KLHL10: variants seen among roughly 807,000 people sequenced by gnomAD.
The protein encoded by KLHL10 is kelch-like protein 10.
Under a neutral mutation model 46.6 loss-of-function variants are expected in KLHL10, and 11 were observed. The ratio of observed to expected loss-of-function variants is 0.24; its 90% CI spans 0.15 to 0.39. KLHL10 has a LOEUF of 0.39. KLHL10 is among the 10% of genes least tolerant of loss of function. The pLI is 1.00. For missense variants in KLHL10, 475 were observed against 789.8 expected, an observed-to-expected ratio of 0.60 and a Z score of 4.78; for synonymous variants, 254 against 279.1, an observed-to-expected ratio of 0.91 and a Z score of 0.90.
Position 41,845,365 on chromosome 17 carries a change from T to C in KLHL10, c.924T>C (p.Ile308=). Residue 308 remains isoleucine, a synonymous_variant, in exon 3 of 5, where the codon ATT becomes ATC. Coordinates refer to ENST00000293303, the MANE Select transcript of KLHL10 (RefSeq NM_152467.5). The part of the protein sequence containing the change: ...GWSGGSPTNA[I]EAYDARADRW... Reference sequence around the variant, plus strand: ...GTGGTGGGAGCCCCACCAATGCCATTGAGGCATATGACGCTCGGGCAGACA... The same window carrying C: ...GTGGTGGGAGCCCCACCAATGCCATCGAGGCATATGACGCTCGGGCAGACA... 6.2e-7 allele frequency: 1 copy of C among 1,614,178 alleles called. No homozygotes were observed. Among genetic ancestry groups the C allele is most frequent in the Non-Finnish European group, 8.5e-7 (1 of 1,180,004 alleles).
intron 4 of KLHL10, 35 bp downstream of exon 4, chr17:41,847,445 C>T (rs781803411): frequency 3.5e-5 from 57 of 1,611,774 alleles, no homozygotes; most frequent in Non-Finnish European, 4.7e-5. Flanking sequence ...ACACAAAAAA[C>T]ACATTACCCC....
At chr17:41,836,223 G>A (rs1158013480), upstream of KLHL10, 1 of 1,238,534 alleles carries the variant, frequency 8.1e-7, no homozygotes, top group Non-Finnish European at 1.0e-6. Flanking sequence ...GCGGCTCGCG[G>A]GACAACGACA....
upstream of KLHL10, chr17:41,836,391 G>A: frequency 8.2e-7 from 1 of 1,224,508 alleles, no homozygotes; most frequent in East Asian, 3.2e-5. Context: ...CAAACTGGAG[G>A]AGGGTTCTAT....
At position 41,847,320 on chromosome 17, in the gene KLHL10, C is replaced by T. The variant is rs1422887291; in HGVS notation, c.1362C>T (p.Asn454=). The T allele has an allele frequency of 1.2e-6, 2 of 1,613,810 alleles. No homozygotes were observed. The highest frequency in any genetic ancestry group is 1.7e-6 in the Non-Finnish European group (2 of 1,179,930). ...GCCTGTTCACAGCAGAAGTGTATAACACTGAAAGTAATCAGTGGACAGTCA... is the reference window on the plus strand; with the variant it reads ...GCCTGTTCACAGCAGAAGTGTATAATACTGAAAGTAATCAGTGGACAGTCA... ...NECLFTAEVY[N]TESNQWTVIA... Residue 454 remains asparagine (N), a synonymous_variant, in exon 4 of 5, where the codon AAC becomes AAT. Coordinates refer to ENST00000293303, the MANE Select transcript of KLHL10 (RefSeq NM_152467.5).
chr17:41,844,825 G>GGCC (rs1396371088), intron 2 of KLHL10, among the ~76,000 whole-genome samples: 1 of 151,936 alleles, frequency 6.6e-6, no homozygotes, highest in Non-Finnish European at 1.5e-5. Flanking sequence ...CTGGGATTAC[G>GGCC]GCCGTGAGCC....
At chr17:41,836,118 C>T, upstream of KLHL10, 1 of 1,329,400 alleles carries the variant, frequency 7.5e-7, no homozygotes, top group Non-Finnish European at 9.6e-7. Context: ...AGCTGGGGGG[C>T]TCGAAGCGCC....
upstream of KLHL10, chr17:41,836,228 A>G (rs2048156872): frequency 9.0e-7 from 1 of 1,113,720 alleles, no homozygotes; most frequent in Non-Finnish European, 1.1e-6. Context: ...TCGCGGGACA[A>G]CGACAGCCCC....
Position 41,848,148 on chromosome 17 carries a change from T to C in KLHL10, c.1668T>C (p.Asp556=), listed in dbSNP as rs1555621684. The change falls in exon 5 of 5, where the codon GAT becomes GAC. Residue 556 remains aspartate, a synonymous_variant. Transcript: ENST00000293303. The part of the protein sequence containing the change: ...CYDEKTDEWY[D]AHDMSIYRSA... ...ATGAAAAGACCGATGAGTGGTATGA[T>C]GCTCATGACATGAGTATATACCGCA... The C allele has an allele frequency of 1.9e-6, 3 of 1,614,202 alleles. No homozygotes were observed. The highest frequency in any genetic ancestry group is 2.5e-6 in the Non-Finnish European group (3 of 1,180,038).
chr17:41,839,943 G>C (rs2048209843), intron 1 of KLHL10, among the ~76,000 whole-genome samples: 1 of 150,476 alleles, frequency 6.6e-6, no homozygotes, highest in Non-Finnish European at 1.5e-5. Flanking sequence ...GCAATGGCAT[G>C]ATCTCTGCTC....
intron 2 of KLHL10, among the ~76,000 whole-genome samples, chr17:41,844,540 G>GTTT (rs1485461161): frequency 1.5e-5 from 1 of 68,624 alleles, no homozygotes; most frequent in Non-Finnish European, 2.6e-5. Context: ...CCTGGTTTTT[G>GTTT]TATTTTTTTT....
intron 1 of KLHL10, 62 bp downstream of exon 1, chr17:41,838,188 T>C (rs2048188343): frequency 7.3e-7 from 1 of 1,372,082 alleles, no homozygotes; most frequent in Non-Finnish European, 1.0e-6. Context: ...GACACTTTGA[T>C]CCATTTTCTG....
At position 41,841,876 on chromosome 17, in the gene KLHL10, C is replaced by T. The variant is rs202162199; in HGVS notation, c.248C>T (p.Pro83Leu). ...NNTEKKVYNI[P>L]GISPDMMKLI... ...ACTGAAAAGAAGGTATACAACATCC[C>T]TGGCATTTCTCCCGACATGATGAAG... The change falls in exon 2 of 5, where the codon CCT (proline) becomes CTT (leucine). Residue 83 changes from proline (P) to leucine (L), a missense_variant. By Grantham distance (98) the Pro-to-Leu change is moderately conservative. Transcript: ENST00000293303. The T allele has an allele frequency of 6.2e-7, 1 of 1,614,188 alleles. No homozygotes were observed. The highest frequency in any genetic ancestry group is 8.5e-7 in the Non-Finnish European group (1 of 1,180,028).
rs546061322 is a variant in KLHL10, at chr17:41,842,326, CTT to C, written c.684+15_684+16del. On this transcript the variant is annotated intron_variant, in intron 2 of 4. Transcript: ENST00000293303. ...TTGCTTCCTAAGGTCAGTGTTCACT[CTT>C]GATTCATTTATCACAGAGAGATTGT... is the stretch of plus-strand genomic sequence containing the variant. The C allele has an allele frequency of 1.6e-3, 2,511 of 1,613,430 alleles. 46 individuals are homozygous for C. In the South Asian group the frequency reaches 0.026, roughly 17 times the overall value.
rs139991322 is a variant in KLHL10 at position 41,845,000 on chromosome 17, T to C, written c.685-126T>C. On this transcript the variant is annotated intron_variant, in intron 2 of 4. Coordinates refer to ENST00000293303, the MANE Select transcript of KLHL10 (RefSeq NM_152467.5). Reference sequence around the variant, plus strand: ...AATCGACTATTTAAACTGTGACTTATACATTTCAAAAACAAACCAAAATAT... The same window carrying C: ...AATCGACTATTTAAACTGTGACTTACACATTTCAAAAACAAACCAAAATAT... 1,063 of 1,177,362 alleles carry C rather than the reference T, an allele frequency of 9.0e-4. 7 individuals carry two copies. In the African/African-American group the frequency reaches 0.014, roughly 16 times the overall value. 72.9% of individuals were successfully genotyped at this position (1,177,362 alleles called of 1,614,324 possible). A position where few individuals can be genotyped will look rare whatever the true frequency, so the allele number is the denominator to read the frequency against.
At chr17:41,840,290 T>G (rs1198605438) in intron 1 of KLHL10, among the ~76,000 whole-genome samples, 1 of 152,240 alleles carries the variant, frequency 6.6e-6, no homozygotes, top group African/African-American at 2.4e-5. Flanking sequence ...CACTGAAATT[T>G]AAATGTATTA....
chr17:41,836,485 G>T, upstream of KLHL10: 3 of 982,670 alleles, frequency 3.1e-6, no homozygotes, highest in Non-Finnish European at 3.6e-6. Flanking sequence ...TGGAGGAAAA[G>T]CCTTGCCAAA....
intron 3 of KLHL10, 48 bp downstream of exon 3, chr17:41,845,791 C>T (rs782223276): frequency 2.5e-6 from 4 of 1,611,182 alleles, no homozygotes; most frequent in South Asian, 2.2e-5. Flanking sequence ...AAGTACAAGA[C>T]CAGAAATGAT....
At chr17:41,846,219 A>T (rs2048283823) in intron 3 of KLHL10, among the ~76,000 whole-genome samples, 3 of 150,454 alleles carry the variant, frequency 2.0e-5, no homozygotes, top group African/African-American at 7.4e-5. Flanking sequence ...CTCAAAAGAA[A>T]AAAGAAAAAA....
In KLHL10 at chr17:41,840,603, C is replaced by T. The variant is rs145506208; in HGVS notation, c.195-1220C>T. On this transcript the variant is annotated intron_variant, in intron 1 of 4. Transcript: ENST00000293303. ...AGGTTGCACTGAGCCAAGATCAAGC[C>T]ACTGCACTCCAGCCTGGGTGACAGA... Among the ~76,000 whole-genome samples the T allele has an allele frequency of 9.5e-3, 1,402 of 147,438 alleles. 27 individuals carry two copies. Among genetic ancestry groups the T allele is most frequent in the African/African-American group, 0.034 (1,339 of 39,744 alleles).
Sources: gnomAD v4.1 joint callset for allele counts (sites outside exome capture counted in the v4.1 genomes callset) on GRCh38, gnomAD v4.1.1 for gene constraint, MANE v1.5 for transcripts, NCBI Gene and HGNC (gene_info 2026-07-23, HGNC 2026-07-21) for gene names.